The following CCDC171 variants were observed in gnomAD, a reference collection of about 807,000 sequenced individuals.
The protein encoded by CCDC171 is coiled-coil domain-containing protein 171.
A neutral mutation model predicts 168.2 loss-of-function variants in CCDC171; 177 were observed. The ratio of observed to expected loss-of-function variants is 1.05; its 90% CI spans 0.93 to 1.19. The LOEUF is 1.19. Ranked by LOEUF, CCDC171 falls within the 50% of genes most tolerant of loss-of-function variation. The probability of loss-of-function intolerance (pLI) is 0.00; values close to 1 mark genes in which losing one functional copy is unlikely to be tolerated. For synonymous variants in CCDC171, 687 were observed against 540.8 expected, an observed-to-expected ratio of 1.27 and a Z score of -3.75; for missense variants, 1,991 against 1,539.0, an observed-to-expected ratio of 1.29 and a Z score of -4.91.
Position 15,874,517 on chromosome 9 carries a change from T to G in CCDC171, c.3469-15T>G, listed in dbSNP as rs1477538674. 6 of 1,579,700 alleles carry G rather than the reference T, an allele frequency of 3.8e-6. No individual in the cohort carries two copies. The South Asian group carries it at 4.7e-5, about 12-fold the overall frequency. On this transcript the variant is annotated splice_polypyrimidine_tract_variant and intron_variant, in intron 23 of 25. Transcript: ENST00000380701. ...TGAAGGGGAATTACCATTGATGCTG[T>G]TTTTTTCCCTTTAGGTCAGAGATCA...
intron 20 of CCDC171, among the ~76,000 whole-genome samples, chr9:15,780,687 G>T (rs1177393874): frequency 6.6e-6 from 1 of 152,092 alleles, no homozygotes; most frequent in East Asian, 1.9e-4. Context: ...GAATAATTTT[G>T]TATGTATAGT....
intron 8 of CCDC171, among the ~76,000 whole-genome samples, chr9:15,660,348 G>T (rs1186969477): frequency 1.3e-5 from 2 of 151,968 alleles, no homozygotes; most frequent in Non-Finnish European, 2.9e-5. Flanking sequence ...GATTCCGGGG[G>T]TACATGTGTA....
intron 11 of CCDC171, among the ~76,000 whole-genome samples, chr9:15,708,482 T>G (rs2052414062): frequency 6.6e-6 from 1 of 152,216 alleles, no homozygotes; most frequent in Admixed American, 6.5e-5. Flanking sequence ...CTGTACCAAC[T>G]AGAAAATTGG....
intron 1 of CCDC171, among the ~76,000 whole-genome samples, chr9:15,559,913 G>A (rs1252269112): frequency 6.6e-6 from 1 of 152,088 alleles, no homozygotes; most frequent in East Asian, 1.9e-4. Context: ...AGGAGCTCTT[G>A]TAAGGCAGGC....
At chr9:15,792,448 A>G (rs529902985) in intron 21 of CCDC171, among the ~76,000 whole-genome samples, 1 of 152,298 alleles carries the variant, frequency 6.6e-6, no homozygotes, top group South Asian at 2.1e-4. Context: ...GCAGGCCAAC[A>G]TTCAAATTCA....
At chr9:15,828,615 A>C (rs1485172328) in intron 21 of CCDC171, among the ~76,000 whole-genome samples, 1 of 152,220 alleles carries the variant, frequency 6.6e-6, no homozygotes, top group Admixed American at 6.5e-5. Context: ...ATTTAAGTGC[A>C]ATACAGAATA....
At chr9:15,647,108 C>T (rs929787375) in intron 7 of CCDC171, among the ~76,000 whole-genome samples, 16 of 152,196 alleles carry the variant, frequency 1.1e-4, no homozygotes, top group South Asian at 2.1e-4. Context: ...CACTCAAAAC[C>T]GCTCAACTAC....
chr9:15,868,187 C>T (rs1009841829), intron 23 of CCDC171, among the ~76,000 whole-genome samples: 4 of 151,964 alleles, frequency 2.6e-5, no homozygotes, highest in African/African-American at 9.7e-5. Flanking sequence ...TCTGGCTTTG[C>T]TCCAGAGTTG....
chr9:15,959,014 C>G (rs1430965217), intron 25 of CCDC171, among the ~76,000 whole-genome samples: 1 of 152,144 alleles, frequency 6.6e-6, no homozygotes, highest in Admixed American at 6.6e-5. Context: ...CTTCTTCACT[C>G]TCTGTGAGTT....
At chr9:16,024,230 G>C (rs369087175) in intron 6 of CCDC171, among the ~76,000 whole-genome samples, 1 of 152,004 alleles carries the variant, frequency 6.6e-6, no homozygotes, top group Non-Finnish European at 1.5e-5. Context: ...ATAAATTTAC[G>C]TTGTTTTAAA....
chr9:15,762,148 C>T (rs2056478418), intron 18 of CCDC171, among the ~76,000 whole-genome samples: 1 of 148,898 alleles, frequency 6.7e-6, no homozygotes, highest in Non-Finnish European at 1.5e-5. Flanking sequence ...CTTCTAAGAG[C>T]CTGAAGCTTT....
At chr9:16,028,335 G>A (rs1833311653) in intron 6 of CCDC171, among the ~76,000 whole-genome samples, 1 of 152,284 alleles carries the variant, frequency 6.6e-6, no homozygotes, top group Admixed American at 6.5e-5. Context: ...TTAGCAGAGA[G>A]ACCGACCGGG....
intron 7 of CCDC171, among the ~76,000 whole-genome samples, chr9:15,638,473 T>C (rs10810416): frequency 0.46 from 69,211 of 151,656 alleles, 16,075 homozygotes; most frequent in Non-Finnish European, 0.51. Flanking sequence ...TAAGATGGGA[T>C]AATAATAAAG....
rs988143879 is a variant in CCDC171, at chr9:15,784,689, G to A, written c.3262G>A (p.Val1088Ile). 10 of 1,610,126 alleles carry A rather than the reference G, an allele frequency of 6.2e-6. No homozygotes were observed. Among genetic ancestry groups the A allele is most frequent in the African/African-American group, 1.3e-5 (1 of 74,896 alleles). Residue 1088 changes from valine to isoleucine, a missense_variant, in exon 21 of 26, where the codon GTT becomes ATT. Transcript: ENST00000380701. ...ADKNQTLGEA[V>I]KSLSEAKMEL... is the part of the protein sequence containing the mutation. ...CAAAAACCAAACTCTTGGAGAAGCT[G>A]TTAAGGTAAGAGAATAAAGGGATAT...
chr9:16,090,228 T>A, the CCDC171 span, among the ~76,000 whole-genome samples: 1 of 152,170 alleles, frequency 6.6e-6, no homozygotes, highest in Non-Finnish European at 1.5e-5. Context: ...CACCATGGAA[T>A]ATGAAGCAGC....
chr9:15,624,923 C>A (rs1365550050), intron 7 of CCDC171, among the ~76,000 whole-genome samples: 1 of 152,132 alleles, frequency 6.6e-6, no homozygotes, highest in African/African-American at 2.4e-5. Context: ...GTTTACACTC[C>A]CACCAAAAGT....
chr9:15,903,368 G>A (rs1037166764), intron 24 of CCDC171, among the ~76,000 whole-genome samples: 30 of 152,144 alleles, frequency 2.0e-4, no homozygotes. Flanking sequence ...AACCTTTGCT[G>A]TTCACCAATA....
At chr9:15,923,941 G>C (rs1825621042) in intron 25 of CCDC171, among the ~76,000 whole-genome samples, 1 of 151,214 alleles carries the variant, frequency 6.6e-6, no homozygotes, top group Non-Finnish European at 1.5e-5. Flanking sequence ...CAGTGAGAAG[G>C]ATGGGATAGC....
intron 24 of CCDC171, among the ~76,000 whole-genome samples, chr9:15,883,649 C>G (rs951110301): frequency 6.6e-6 from 1 of 152,072 alleles, no homozygotes; most frequent in East Asian, 1.9e-4. Context: ...TAATTGCATC[C>G]GTGTAAAGCT....
Sources: allele counts gnomAD v4.1 joint callset (sites outside exome capture counted in the v4.1 genomes callset), GRCh38; gene constraint gnomAD v4.1.1; transcripts MANE v1.5; gene names NCBI Gene and HGNC (gene_info 2026-07-23, HGNC 2026-07-21).